Variants in SNTG2 observed in about 807,000 individuals in gnomAD.
The protein encoded by SNTG2 is syntrophin gamma 2, also known as gamma-2-syntrophin.
In SNTG2, 74 loss-of-function variants were observed where a neutral mutation model predicts 70.9. The observed-to-expected ratio is 1.04, with a 90% CI of 0.86 to 1.27. The LOEUF (loss-of-function observed/expected upper bound fraction) is 1.27, where lower values mean the gene tolerates loss of function less well. Ranked by LOEUF, SNTG2 falls within the 50% of genes most tolerant of loss-of-function variation. The pLI is 0.00. For missense variants in SNTG2, 717 were observed against 690.7 expected (o/e 1.04, Z -0.43); for synonymous variants, 278 against 273.8 (o/e 1.02, Z -0.15).
intron 16 of SNTG2, chr2:1,346,458 T>C (rs1310714777): frequency 2.0e-5 from 3 of 152,390 alleles, no homozygotes; most frequent in Non-Finnish European, 4.4e-5. Flanking sequence ...CAGGAAGTCC[T>C]GTTTGTTCTG....
At position 1,180,690 on chromosome 2, in the gene SNTG2, C is replaced by G. The variant is rs1352432800; in HGVS notation, c.591+7507C>G. ...CCTCAGGGATCTAGAACTAGAAATA[C>G]CATTTGACCCAGCCATCCCATTACT... On this transcript the variant is annotated intron_variant, in intron 8 of 16. Coordinates refer to ENST00000308624, the MANE Select transcript of SNTG2 (RefSeq NM_018968.4). Among the ~76,000 whole-genome samples, 42 of 150,658 alleles carry G rather than the reference C, an allele frequency of 2.8e-4. 1 individual carries two copies. Among genetic ancestry groups the G allele is most frequent in the Admixed American group, 2.2e-3 (33 of 15,088 alleles).
intron 1 of SNTG2, among the ~76,000 whole-genome samples, chr2:1,038,107 A>G (rs1340367744): frequency 6.6e-6 from 1 of 152,224 alleles, no homozygotes; most frequent in African/African-American, 2.4e-5. Flanking sequence ...ATCCGTTGTC[A>G]AAACCTGGCC....
chr2:1,284,873 T>G (rs1679702832), intron 14 of SNTG2, among the ~76,000 whole-genome samples: 1 of 149,366 alleles, frequency 6.7e-6, no homozygotes, highest in Admixed American at 6.7e-5. Context: ...ATATACTTAC[T>G]GTATTAGTCA....
intron 9 of SNTG2, among the ~76,000 whole-genome samples, chr2:1,223,724 G>C (rs929632383): frequency 6.6e-6 from 1 of 152,212 alleles, no homozygotes; most frequent in African/African-American, 2.4e-5. Flanking sequence ...GGATGGAGAA[G>C]GTTTTAAAGG....
At position 1,353,895 on chromosome 2, in the gene SNTG2, G is replaced by T. The variant is rs1280653663; in HGVS notation, c.1489-13448G>T. On this transcript the variant is annotated intron_variant, in intron 16 of 16. Coordinates refer to ENST00000308624, the MANE Select transcript of SNTG2 (RefSeq NM_018968.4). This position sits in a 1 kb window ranked among gnomAD's most constrained non-coding sequence, Gnocchi z 4.2. The stretch of plus-strand genomic sequence containing the variant: ...ATTAGCATTTATGTGTTGATTGAAA[G>T]TGTCACTCTGGTGATAGATGGGGCA... 6.6e-6 allele frequency: 1 copy of T among 152,186 alleles called. No individual in the cohort carries two copies. Among genetic ancestry groups the T allele is most frequent in the East Asian group, 1.9e-4 (1 of 5,198 alleles). The allele number at this position is 152,186 out of a possible 1,614,324, so 9.4% of individuals were successfully genotyped here. A position where few individuals can be genotyped will look rare whatever the true frequency, so the allele number is the denominator to read the frequency against.
chr2:1,159,086 GTGTA>G (rs1290073868), intron 6 of SNTG2, among the ~76,000 whole-genome samples: 2 of 142,272 alleles, frequency 1.4e-5, no homozygotes, highest in African/African-American at 2.7e-5. Flanking sequence ...GTGTGTCCGT[GTGTA>G]TGTGCATGCG....
At chr2:1,205,964 C>A (rs1176377552) in intron 8 of SNTG2, among the ~76,000 whole-genome samples, 1 of 152,122 alleles carries the variant, frequency 6.6e-6, no homozygotes, top group East Asian at 1.9e-4. Context: ...AAAACATGTT[C>A]TGTTTTGTTC....
intron 9 of SNTG2, among the ~76,000 whole-genome samples, chr2:1,229,567 G>A (rs1676044756): frequency 6.6e-6 from 1 of 152,246 alleles, no homozygotes; most frequent in South Asian, 2.1e-4. Context: ...GCTGCAGGTG[G>A]AGCTGCCTGC....
intron 8 of SNTG2, among the ~76,000 whole-genome samples, chr2:1,180,470 C>T (rs1268593744): frequency 7.5e-6 from 1 of 132,576 alleles, no homozygotes; most frequent in African/African-American, 2.7e-5. Context: ...TGAAAAAATG[C>T]TCATCATCAC....
intron 8 of SNTG2, among the ~76,000 whole-genome samples, chr2:1,196,431 T>C (rs563043263): frequency 6.6e-6 from 1 of 152,234 alleles, no homozygotes; most frequent in South Asian, 2.1e-4. Flanking sequence ...GGGGAAGAGA[T>C]GAGCAAAGGC....
At position 1,157,755 on chromosome 2, in the gene SNTG2, A is replaced by G. The variant is rs185410271; in HGVS notation, c.412-7793A>G. On this transcript the variant is annotated intron_variant, in intron 6 of 16. Transcript: ENST00000308624. ...AGAATTTTTTCAGACTCTGGAAATA[A>G]CTCAGCTTCTGGTGTGCACAGACTA... Among the ~76,000 whole-genome samples, 36 of 152,254 alleles carry G rather than the reference A, an allele frequency of 2.4e-4. 1 individual carries two copies. The highest frequency in any genetic ancestry group is 1.1e-3 in the Admixed American group (17 of 15,294).
chr2:984,344 G>A (rs950176348), intron 1 of SNTG2, among the ~76,000 whole-genome samples: 6 of 151,134 alleles, frequency 4.0e-5, no homozygotes, highest in African/African-American at 1.5e-4. Flanking sequence ...CTCTCTGGTT[G>A]GTGATGGAAA....
Position 1,056,931 on chromosome 2 carries a change from AGG to A in SNTG2, c.73-26585_73-26584del, listed in dbSNP as rs1491587776. Among the ~76,000 whole-genome samples, 16 of 13,154 alleles carry A rather than the reference AGG, an allele frequency of 1.2e-3. 3 individuals are homozygous for A. The highest frequency in any genetic ancestry group is 5.2e-3 in the African/African-American group (16 of 3,100). The allele number at this position is 13,154 out of a possible 152,430, so 8.6% of individuals were successfully genotyped here. ...CGCGCTGTGCTGTGGGGAGGGAGGG[AGG>A]GAGAGCGCGGCGCCCCGCTGTGGGG... On this transcript the variant is annotated intron_variant, in intron 1 of 16. Transcript: ENST00000308624.
At chr2:1,064,035 A>G (rs1662994065) in intron 1 of SNTG2, among the ~76,000 whole-genome samples, 1 of 151,940 alleles carries the variant, frequency 6.6e-6, no homozygotes, top group African/African-American at 2.4e-5. Context: ...AATCTTAAAA[A>G]CAGAAGATTA....
At chr2:1,047,053 G>GT (rs1238817761) in intron 1 of SNTG2, among the ~76,000 whole-genome samples, 3 of 152,062 alleles carry the variant, frequency 2.0e-5, no homozygotes, top group African/African-American at 4.8e-5. Context: ...ATGTTCTTCA[G>GT]TTTTTTCTTT....
intron 4 of SNTG2, among the ~76,000 whole-genome samples, chr2:1,125,889 T>C (rs533561901): frequency 2.0e-4 from 31 of 152,260 alleles, no homozygotes; most frequent in African/African-American, 7.0e-4. Flanking sequence ...TAATTGTACA[T>C]ATTTATGGGG....
At chr2:1,022,633 G>A (rs1660255528) in intron 1 of SNTG2, among the ~76,000 whole-genome samples, 1 of 152,104 alleles carries the variant, frequency 6.6e-6, no homozygotes, top group Admixed American at 6.5e-5. Flanking sequence ...GAGTATTCCT[G>A]TACCCTTGTG....
rs936651926 is a variant in SNTG2, at chr2:1,173,410, C to T, written c.591+227C>T. Reference sequence around the variant, plus strand: ...TAGGATATTTTAAGTTCATAATTCACAGCATCTCAGTGAGCAGGCAAGAAT... The same window carrying T: ...TAGGATATTTTAAGTTCATAATTCATAGCATCTCAGTGAGCAGGCAAGAAT... On this transcript the variant is annotated intron_variant, in intron 8 of 16. Transcript: ENST00000308624. Among the ~76,000 whole-genome samples, 6 of 152,196 alleles carry T rather than the reference C, an allele frequency of 3.9e-5. No homozygotes were observed. The East Asian group carries it at 9.6e-4, about 24-fold the overall frequency.
At chr2:990,068 T>A (rs1661440784) in intron 1 of SNTG2, among the ~76,000 whole-genome samples, 1 of 150,716 alleles carries the variant, frequency 6.6e-6, no homozygotes, top group South Asian at 2.2e-4. Flanking sequence ...CACACGCAGC[T>A]TTATGCCTTT....
Sources: allele counts gnomAD v4.1 joint callset (sites outside exome capture counted in the v4.1 genomes callset), GRCh38; gene constraint gnomAD v4.1.1; non-coding constraint Gnocchi (gnomAD v3.1); transcripts MANE v1.5; gene names NCBI Gene and HGNC (gene_info 2026-07-23, HGNC 2026-07-21).